The following ADAM18 variants were observed in gnomAD, a reference collection of about 807,000 sequenced individuals.
ADAM18 encodes the protein ADAM metallopeptidase domain 18.
ADAM18 carries 117 observed loss-of-function variants against 94.4 expected under a neutral mutation model. That is an observed-to-expected ratio of 1.24 (90% CI 1.07 to 1.45). The LOEUF (loss-of-function observed/expected upper bound fraction) is 1.45. Among genes scored for constraint, ADAM18 ranks in the 40% most tolerant of loss-of-function variants. ADAM18 has a pLI of 0.00. For missense variants in ADAM18, 936 were observed against 880.0 expected (o/e 1.06, Z -0.81); for synonymous variants, 327 against 291.6 (o/e 1.12, Z -1.24).
chr8:39,629,413 A>G lies in ADAM18; in HGVS notation c.562A>G (p.Ile188Val), dbSNP rs137882653. Reference protein sequence around the residue: ...LSKLLPQYLEIYIIVEKALYD... With the variant: ...LSKLLPQYLEVYIIVEKALYD... ...AAAACTATTACCCCAATATCTGGAA[A>G]TATACATTATAGTGGAAAAAGCTTT... is the stretch of plus-strand genomic sequence containing the variant. Residue 188 changes from isoleucine to valine, a missense_variant, in exon 7 of 20, where the codon ATA (isoleucine) becomes GTA (valine). Transcript: ENST00000265707. 116 of 1,584,888 alleles carry G rather than the reference A, an allele frequency of 7.3e-5. 1 individual carries two copies. The African/African-American group carries it at 1.1e-3, about 15-fold the overall frequency.
chr8:39,590,732 G>A (rs541669699), intron 2 of ADAM18, among the ~76,000 whole-genome samples: 20 of 151,994 alleles, frequency 1.3e-4, no homozygotes, highest in African/African-American at 4.8e-4. Context: ...ATTTTACATT[G>A]ATAAATAATA....
chr8:39,611,597 A>G, intron 6 of ADAM18: 1 of 985,206 alleles, frequency 1.0e-6, no homozygotes, highest in African/African-American at 1.7e-5. Context: ...CAGGTAAGAG[A>G]TATGGAAAGC....
At chr8:39,620,368 A>C (rs935783016) in intron 6 of ADAM18, among the ~76,000 whole-genome samples, 4 of 94,740 alleles carry the variant, frequency 4.2e-5, no homozygotes, top group South Asian at 3.2e-4. Context: ...AAAAAAAAAA[A>C]AAAAAACAAA....
At chr8:39,645,006 A>G (rs1023415229) in intron 10 of ADAM18, among the ~76,000 whole-genome samples, 2 of 152,192 alleles carry the variant, frequency 1.3e-5, no homozygotes, top group Admixed American at 6.6e-5. Context: ...ACATGAGTAC[A>G]CTGAATTGAT....
chr8:39,651,351 TCGG>T (rs1003417255), intron 12 of ADAM18, among the ~76,000 whole-genome samples: 2 of 152,188 alleles, frequency 1.3e-5, no homozygotes, highest in African/African-American at 4.8e-5. Context: ...TTTACGGGTG[TCGG>T]GCTGGGGGAC....
In ADAM18 at chr8:39,640,655, A is replaced by C. The variant is rs191918894; in HGVS notation, c.909+2109A>C. 2.6e-3 allele frequency among the ~76,000 whole-genome samples: 398 copies of C among 152,240 alleles called. 2 individuals are homozygous for C. The highest frequency in any genetic ancestry group is 9.1e-3 in the African/African-American group (378 of 41,558). ...TTTACACTCCCATGAACAGTGTAAA[A>C]GCATTCCTTTTTCTTTATAACCTCG... is the stretch of plus-strand genomic sequence containing the variant. On this transcript the variant is annotated intron_variant, in intron 10 of 19. Coordinates refer to ENST00000265707, the MANE Select transcript of ADAM18 (RefSeq NM_014237.3).
chr8:39,601,224 GAT>G (rs1818892034), intron 2 of ADAM18, among the ~76,000 whole-genome samples: 1 of 152,224 alleles, frequency 6.6e-6, no homozygotes, highest in Admixed American at 6.5e-5. Flanking sequence ...ATTACAATTT[GAT>G]ATGAGATTTG....
At chr8:39,724,064 TTATTA>T in intron 19 of ADAM18, 157 bp downstream of exon 19, 1 of 584,966 alleles carries the variant, frequency 1.7e-6, no homozygotes, top group Non-Finnish European at 2.5e-6. Context: ...CAATAATTTG[TTATTA>T]TATTGGGGCA....
chr8:39,643,590 T>TA (rs1012192279), intron 10 of ADAM18, among the ~76,000 whole-genome samples: 53 of 152,158 alleles, frequency 3.5e-4, no homozygotes, highest in African/African-American at 1.3e-3. Context: ...CTGGATAAAA[T>TA]AGAGTTCTGA....
chr8:39,685,357 G>A (rs1821582015), intron 16 of ADAM18: 1 of 152,226 alleles, frequency 6.6e-6, no homozygotes, highest in African/African-American at 2.4e-5. Flanking sequence ...TACCCGATAT[G>A]GTTGAAGAGC....
intron 17 of ADAM18, among the ~76,000 whole-genome samples, chr8:39,703,506 T>C (rs1043127039): frequency 6.6e-6 from 1 of 152,040 alleles, no homozygotes; most frequent in South Asian, 2.1e-4. Context: ...TGCCCAGAAC[T>C]GTAAATATTA....
At chr8:39,684,192 T>A (rs1585977861) in intron 16 of ADAM18, among the ~76,000 whole-genome samples, 2 of 151,728 alleles carry the variant, frequency 1.3e-5, no homozygotes, top group East Asian at 3.9e-4. Flanking sequence ...AATTGATGAG[T>A]TTAGAGATAA....
chr8:39,728,607 A>G (rs1202836401), intron 19 of ADAM18, among the ~76,000 whole-genome samples: 1 of 152,238 alleles, frequency 6.6e-6, no homozygotes, highest in Non-Finnish European at 1.5e-5. Flanking sequence ...TACAACATAT[A>G]TCACAACGAA....
chr8:39,685,684 A>G (rs1261861376), intron 16 of ADAM18, among the ~76,000 whole-genome samples: 1 of 152,138 alleles, frequency 6.6e-6, no homozygotes, highest in Non-Finnish European at 1.5e-5. Flanking sequence ...AGAATTTTCC[A>G]AATTTTTTAG....
chr8:39,630,037 T>A (rs1819890041), intron 7 of ADAM18, among the ~76,000 whole-genome samples: 2 of 151,958 alleles, frequency 1.3e-5, no homozygotes, highest in South Asian at 4.1e-4. Context: ...TCACTTGATA[T>A]TTTCTCTTTT....
At chr8:39,651,464 C>T (rs913886075) in intron 12 of ADAM18, among the ~76,000 whole-genome samples, 3 of 152,202 alleles carry the variant, frequency 2.0e-5, no homozygotes, top group Admixed American at 6.5e-5. Flanking sequence ...TCCCTGCGGC[C>T]TTCCGCAGTG....
intron 19 of ADAM18, among the ~76,000 whole-genome samples, chr8:39,727,611 A>G (rs1822953703): frequency 6.6e-6 from 1 of 152,166 alleles, no homozygotes; most frequent in African/African-American, 2.4e-5. Context: ...CCTTTGTTCC[A>G]GTTCCCAGAA....
intron 19 of ADAM18, among the ~76,000 whole-genome samples, chr8:39,726,284 G>GCACAAA (rs1332412826): frequency 3.3e-5 from 5 of 150,776 alleles, no homozygotes; most frequent in African/African-American, 1.2e-4. Flanking sequence ...ACATTTGTGT[G>GCACAAA]TGTGTGTGTG....
intron 18 of ADAM18, among the ~76,000 whole-genome samples, chr8:39,712,503 G>T (rs1322346948): frequency 6.6e-6 from 1 of 152,130 alleles, no homozygotes; most frequent in Non-Finnish European, 1.5e-5. Context: ...AAGTCAAATT[G>T]TCCCTGTTTG....
Sources: gnomAD v4.1 joint callset for allele counts (sites outside exome capture counted in the v4.1 genomes callset) on GRCh38, gnomAD v4.1.1 for gene constraint, MANE v1.5 for transcripts, NCBI Gene and HGNC (gene_info 2026-07-23, HGNC 2026-07-21) for gene names.